GPHN: variants seen among roughly 807,000 people sequenced by gnomAD.
GPHN encodes gephyrin.
In GPHN, 17 loss-of-function variants were observed where a neutral mutation model predicts 95.5. The observed-to-expected ratio is 0.18, with a 90% confidence interval of 0.12 to 0.27. The LOEUF (loss-of-function observed/expected upper bound fraction) is 0.27, where lower values mean the gene tolerates loss of function less well. Ranked by LOEUF, GPHN falls within the 10% of genes least tolerant of loss-of-function variation. The pLI, the probability that GPHN is intolerant of heterozygous loss-of-function variation, is 1.00. For synonymous variants in GPHN, 320 were observed against 322.5 expected (o/e 0.99, Z 0.08); for missense variants, 660 against 978.1 (o/e 0.67, Z 4.34).
At chr14:66,914,462 G>C (rs2065815310) in intron 5 of GPHN, among the ~76,000 whole-genome samples, 1 of 152,008 alleles carries the variant, frequency 6.6e-6, no homozygotes, top group Admixed American at 6.6e-5. Flanking sequence ...AAAAATCCCA[G>C]AGCTATGTAT....
At chr14:67,138,913 TTTTA>T (rs1218586163) in intron 17 of GPHN, among the ~76,000 whole-genome samples, 1,915 of 143,160 alleles carry the variant, frequency 0.013, 23 homozygotes, top group Non-Finnish European at 0.021. Context: ...TTTTTTTTTT[TTTTA>T]AATTATTAAG....
At chr14:67,539,434 C>T in the GPHN span, among the ~76,000 whole-genome samples, 12 of 152,160 alleles carry the variant, frequency 7.9e-5, no homozygotes, top group African/African-American at 2.4e-4. Flanking sequence ...CGAGCTTACT[C>T]GGTCCATCAG....
intron 18 of GPHN, among the ~76,000 whole-genome samples, chr14:67,148,787 C>T (rs966916714): frequency 4.0e-5 from 6 of 151,366 alleles, no homozygotes; most frequent in Non-Finnish European, 5.9e-5. Context: ...AGGATGGTCT[C>T]GATCTCCTGA....
rs145598316 is a variant in GPHN at position 66,991,120 on chromosome 14, A to C, written c.963+25795A>C. ...AAAATGTATTATTTATTCAACATTG[A>C]TTCATAAAATGGGATGTATTAGATT... On this transcript the variant is annotated intron_variant, in intron 9 of 22. Transcript: ENST00000478722. Among the ~76,000 whole-genome samples the C allele has an allele frequency of 8.5e-5, 13 of 152,232 alleles. No homozygotes were observed. In the East Asian group the frequency reaches 2.5e-3, roughly 29 times the overall value.
At chr14:66,950,714 C>T (rs999024064) in intron 8 of GPHN, among the ~76,000 whole-genome samples, 1 of 152,118 alleles carries the variant, frequency 6.6e-6, no homozygotes, top group African/African-American at 2.4e-5. Flanking sequence ...GGCAAGAACA[C>T]ATGAGCACAC....
At chr14:66,606,491 G>A (rs1299624686) in intron 1 of GPHN, among the ~76,000 whole-genome samples, 3 of 152,086 alleles carry the variant, frequency 2.0e-5, no homozygotes, top group African/African-American at 7.2e-5. Context: ...TATTAGAATA[G>A]GCTTTTCTAA....
At chr14:67,144,264 T>TACATATATATATATATATAC in intron 18 of GPHN, among the ~76,000 whole-genome samples, 2 of 83,096 alleles carry the variant, frequency 2.4e-5, no homozygotes, top group East Asian at 3.2e-4. Flanking sequence ...TATATATATA[T>TACATATATATATATATATAC]ATATATATAT....
At chr14:67,387,570 A>G in the GPHN span, 1 of 1,088,662 alleles carries the variant, frequency 9.2e-7, no homozygotes, top group East Asian at 2.7e-5. Context: ...TGATGTATTT[A>G]TTAAATAAAA....
chr14:66,683,329 AATATATAT>A (rs59011754), intron 2 of GPHN, among the ~76,000 whole-genome samples: 6 of 7,912 alleles, frequency 7.6e-4, no homozygotes, highest in Non-Finnish European at 1.0e-3. Context: ...CCAATGTGGA[AATATATAT>A]ATATATATAT....
the GPHN span, among the ~76,000 whole-genome samples, chr14:67,414,080 A>G: frequency 2.0e-5 from 3 of 152,212 alleles, no homozygotes; most frequent in African/African-American, 7.2e-5. Context: ...ACTGTGGTCT[A>G]TCCATCTCCT....
At chr14:67,660,692 G>A in the GPHN span, among the ~76,000 whole-genome samples, 2 of 152,160 alleles carry the variant, frequency 1.3e-5, no homozygotes, top group African/African-American at 4.8e-5. Context: ...TTTTTCTGGG[G>A]TAAGTAAAAT....
chr14:66,776,394 T>C, intron 2 of GPHN, 70 bp from the exon 3 acceptor site: 1 of 914,728 alleles, frequency 1.1e-6, no homozygotes, highest in Non-Finnish European at 1.8e-6. Context: ...CTGATGGTAA[T>C]GGCAGAAATC....
chr14:66,798,985 G>A (rs989547149), intron 3 of GPHN, among the ~76,000 whole-genome samples: 1 of 151,670 alleles, frequency 6.6e-6, no homozygotes, highest in South Asian at 2.1e-4. Flanking sequence ...TGCTTTTGCT[G>A]TATCCCATAG....
At chr14:66,598,125 G>A (rs950093848) in intron 1 of GPHN, among the ~76,000 whole-genome samples, 2 of 152,146 alleles carry the variant, frequency 1.3e-5, no homozygotes, top group Admixed American at 6.5e-5. Flanking sequence ...AGAGGCTAGG[G>A]TGTGGGAGGA....
At chr14:67,408,668 T>G in the GPHN span, among the ~76,000 whole-genome samples, 1 of 152,282 alleles carries the variant, frequency 6.6e-6, no homozygotes, top group African/African-American at 2.4e-5. Context: ...AAGGGTTGCC[T>G]GCAAACACCA....
At chr14:67,378,008 T>G in the GPHN span, among the ~76,000 whole-genome samples, 2 of 151,770 alleles carry the variant, frequency 1.3e-5, no homozygotes, top group Non-Finnish European at 2.9e-5. Flanking sequence ...CCCAGCAACT[T>G]GGGAGGCTGA....
the GPHN span, among the ~76,000 whole-genome samples, chr14:67,622,640 T>G: frequency 6.6e-6 from 1 of 152,240 alleles, no homozygotes; most frequent in African/African-American, 2.4e-5. Flanking sequence ...TACTGTCTCT[T>G]AAAATAGCTT....
the GPHN span, among the ~76,000 whole-genome samples, chr14:67,458,198 C>T: frequency 1.3e-4 from 20 of 152,070 alleles, no homozygotes; most frequent in African/African-American, 4.1e-4. Context: ...CATTAGAGTG[C>T]GTACAGGGTG....
At chr14:66,611,323 G>A (rs2062773045) in intron 1 of GPHN, among the ~76,000 whole-genome samples, 2 of 152,120 alleles carry the variant, frequency 1.3e-5, no homozygotes, top group Non-Finnish European at 2.9e-5. Flanking sequence ...GCCATTGGTA[G>A]TGGTGGTAGG....
Sources: gnomAD v4.1 joint callset for allele counts (sites outside exome capture counted in the v4.1 genomes callset) on GRCh38, gnomAD v4.1.1 for gene constraint, MANE v1.5 for transcripts, NCBI Gene and HGNC (gene_info 2026-07-23, HGNC 2026-07-21) for gene names.